Variants in SORL1 observed in about 807,000 individuals in gnomAD.
SORL1 encodes the protein sortilin-related receptor.
A neutral mutation model predicts 273.7 loss-of-function variants in SORL1; 127 were observed. The ratio of observed to expected loss-of-function variants is 0.46; its 90% CI spans 0.40 to 0.54. SORL1 has a LOEUF of 0.54. SORL1 is among the 20% of genes least tolerant of loss of function. SORL1 has a pLI of 0.00. For missense variants in SORL1, 2,494 were observed against 2,846.1 expected (o/e 0.88, Z 2.81); for synonymous variants, 1,031 against 1,067.4 (o/e 0.97, Z 0.66).
chr11:121,507,147 C>T (rs1861801177), intron 6 of SORL1, among the ~76,000 whole-genome samples: 1 of 152,162 alleles, frequency 6.6e-6, no homozygotes, highest in Non-Finnish European at 1.5e-5. Flanking sequence ...TTAAGCCCAT[C>T]AGCACAGTTT....
intron 5 of SORL1, among the ~76,000 whole-genome samples, chr11:121,492,455 C>T (rs1397796335): frequency 6.6e-6 from 1 of 152,190 alleles, no homozygotes; most frequent in South Asian, 2.1e-4. Flanking sequence ...CTCCCAATCT[C>T]CTGTACTGTG....
At chr11:121,488,753 T>C (rs77246681) in intron 4 of SORL1, among the ~76,000 whole-genome samples, 102 of 152,352 alleles carry the variant, frequency 6.7e-4, no homozygotes, top group African/African-American at 2.4e-3. Context: ...TGAGTAAGAC[T>C]TATATCTCAA....
chr11:121,482,773 T>C (rs1486922122), intron 3 of SORL1, among the ~76,000 whole-genome samples: 1 of 152,140 alleles, frequency 6.6e-6, no homozygotes, highest in African/African-American at 2.4e-5. Flanking sequence ...AGCAGCTGCT[T>C]GGAAAGGTTA....
intron 5 of SORL1, among the ~76,000 whole-genome samples, chr11:121,494,612 C>T (rs753054330): frequency 3.3e-5 from 5 of 152,184 alleles, no homozygotes; most frequent in South Asian, 4.1e-4. Context: ...TGTCAGTGAG[C>T]GTAAGACATT....
chr11:121,532,514 C>T lies in SORL1; in HGVS notation c.1647C>T (p.Ile549=), dbSNP rs747107313. Residue 549 remains isoleucine, a synonymous_variant, in exon 12 of 48, where the codon ATC becomes ATT. Transcript: ENST00000260197. ...YYTWGDHGGI[I]TAIAQGMETN... is the part of the protein sequence containing the mutation. The stretch of plus-strand genomic sequence containing the variant: ...CATGGGGAGACCACGGCGGAATCAT[C>T]ACGGCCATTGCCCAGGGCATGGAAA... The T allele has an allele frequency of 1.1e-5, 18 of 1,614,154 alleles. No individual in the cohort carries two copies. The highest frequency in any genetic ancestry group is 1.4e-5 in the Non-Finnish European group (16 of 1,180,008).
At chr11:121,611,326 C>T (rs1349840049) in intron 39 of SORL1, 168 bp downstream of exon 39, 1 of 519,168 alleles carries the variant, frequency 1.9e-6, no homozygotes, top group Non-Finnish European at 3.5e-6. Flanking sequence ...TTCCTTCCCC[C>T]ATGAAGAACA....
At position 121,595,533 on chromosome 11, in the gene SORL1, C is replaced by T. The variant is rs1471042507; in HGVS notation, c.4370-90C>T. 5.2e-6 allele frequency: 6 copies of T among 1,162,158 alleles called. No homozygotes were observed. The highest frequency in any genetic ancestry group is 6.1e-6 in the Non-Finnish European group (5 of 813,316). The allele number at this position is 1,162,158 out of a possible 1,614,324, so 72.0% of individuals were successfully genotyped here. On this transcript the variant is annotated intron_variant, in intron 31 of 47. Coordinates refer to ENST00000260197, the MANE Select transcript of SORL1 (RefSeq NM_003105.6). The surrounding 1 kb of genome is among the most constrained non-coding windows in gnomAD (Gnocchi z 5.1). ...CAGGTTCCCATTGTAATTTCTAAAG[C>T]ACCGTAATCTCCTAGCATATTGATT...
rs1419449556 is a variant in SORL1, at chr11:121,520,666, A to G, written c.1221A>G (p.Ala407=). The change falls in exon 9 of 48, where the codon GCA becomes GCG. Residue 407 remains alanine (A), a synonymous_variant. Coordinates refer to ENST00000260197, the MANE Select transcript of SORL1 (RefSeq NM_003105.6). ...AGSDTLVRYF[A]NEPFADFHRV... is the part of the protein sequence containing the mutation. The stretch of plus-strand genomic sequence containing the variant: ...TATTTTCATATTGTAGGTATTTTGC[A>G]AATGAACCATTTGCTGACTTCCACC... 6.4e-7 allele frequency: 1 copy of G among 1,568,644 alleles called. No homozygotes were observed. Among genetic ancestry groups the G allele is most frequent in the Non-Finnish European group, 8.6e-7 (1 of 1,158,670 alleles).
chr11:121,452,481 G>T lies in SORL1; in HGVS notation c.150G>T (p.Val50=). ...APLPQDRGFL[V]VQGDPRELRL... is the part of the protein sequence containing the mutation. ...TGCCCCAGGACCGGGGCTTCCTCGTGGTGCAGGGCGACCCGCGCGAGCTGC... is the reference window on the plus strand; with the variant it reads ...TGCCCCAGGACCGGGGCTTCCTCGTTGTGCAGGGCGACCCGCGCGAGCTGC... Residue 50 remains valine, a synonymous_variant, in exon 1 of 48, where the codon GTG becomes GTT. Coordinates refer to ENST00000260197, the MANE Select transcript of SORL1 (RefSeq NM_003105.6). This position sits in a 1 kb window ranked among gnomAD's most constrained non-coding sequence, Gnocchi z 5.3. 1 of 1,490,076 alleles carries T rather than the reference G, an allele frequency of 6.7e-7. No homozygotes were observed. Among genetic ancestry groups the T allele is most frequent in the Non-Finnish European group, 8.9e-7 (1 of 1,121,432 alleles). 92.3% of individuals were successfully genotyped at this position (1,490,076 alleles called of 1,614,324 possible).
intron 44 of SORL1, among the ~76,000 whole-genome samples, 178 bp downstream of exon 44, chr11:121,621,416 T>TG (rs1193212629): frequency 1.3e-5 from 2 of 152,206 alleles, no homozygotes; most frequent in Non-Finnish European, 2.9e-5. Flanking sequence ...AGCCGTGGCG[T>TG]GGTGGCCAGG....
At chr11:121,467,765 G>C (rs1011417326) in intron 1 of SORL1, among the ~76,000 whole-genome samples, 1 of 152,060 alleles carries the variant, frequency 6.6e-6, no homozygotes, top group African/African-American at 2.4e-5. Flanking sequence ...TCCTTTAGCT[G>C]CTTTCTCTTT....
At chr11:121,510,749 G>A (rs761572549) in intron 6 of SORL1, among the ~76,000 whole-genome samples, 19 of 152,192 alleles carry the variant, frequency 1.2e-4, no homozygotes, top group African/African-American at 4.3e-4. Flanking sequence ...GGTAGGTGTA[G>A]CAGTGTCTGT....
intron 3 of SORL1, among the ~76,000 whole-genome samples, chr11:121,486,908 G>A (rs1861482202): frequency 6.6e-6 from 1 of 152,152 alleles, no homozygotes; most frequent in Non-Finnish European, 1.5e-5. Context: ...GCTGCACTGA[G>A]CCATGATTGT....
intron 20 of SORL1, among the ~76,000 whole-genome samples, chr11:121,559,308 G>C (rs973166208): frequency 6.6e-6 from 1 of 152,170 alleles, no homozygotes; most frequent in Non-Finnish European, 1.5e-5. Context: ...ATGCTTATCA[G>C]ATAGTTTCTT....
chr11:121,497,572 C>A (rs1468217690), intron 6 of SORL1, among the ~76,000 whole-genome samples: 2 of 152,186 alleles, frequency 1.3e-5, no homozygotes, highest in Admixed American at 6.5e-5. Context: ...TAGCTTAACT[C>A]TCAGCCTTTG....
At chr11:121,533,756 T>G (rs1862232988) in intron 12 of SORL1, among the ~76,000 whole-genome samples, 1 of 152,198 alleles carries the variant, frequency 6.6e-6, no homozygotes, top group South Asian at 2.1e-4. Flanking sequence ...GTGGTTAATT[T>G]GACATGTGCT....
In SORL1 at chr11:121,627,617, A is replaced by G. The variant is rs201048314; in HGVS notation, c.6427A>G (p.Ile2143Val). The G allele has an allele frequency of 1.2e-6, 2 of 1,614,198 alleles. No homozygotes were observed. Among genetic ancestry groups the G allele is most frequent in the East Asian group, 4.5e-5 (2 of 44,888 alleles). ...GGATGTTGCTGCTGTGGTGGTGCCC[A>G]TCTTATTCCTGATACTGCTGAGCCT... is the stretch of plus-strand genomic sequence containing the variant. ...STDVAAVVVP[I>V]LFLILLSLGV... is the part of the protein sequence containing the mutation. Residue 2143 changes from isoleucine (I) to valine (V), a missense_variant, in exon 47 of 48, where the codon ATC (isoleucine) becomes GTC (valine). This residue lies in a region of SORL1 where 1,609 missense variants were observed against 1,816.4 expected (regional missense o/e 0.89). Transcript: ENST00000260197. The surrounding 1 kb of genome is among the most constrained non-coding windows in gnomAD (Gnocchi z 4.9).
In SORL1 at chr11:121,590,981, G is replaced by A. The variant is rs754240777; in HGVS notation, c.4214-20G>A. 5.6e-6 allele frequency: 9 copies of A among 1,614,166 alleles called. No individual in the cohort carries two copies. The highest frequency in any genetic ancestry group is 3.3e-5 in the South Asian group (3 of 91,084). Reference sequence around the variant, plus strand: ...GCTGCTTCTAATGTTTTGGGTTTCCGTGCTTGGTGTTTTTCTCAGATTCAC... The same window carrying A: ...GCTGCTTCTAATGTTTTGGGTTTCCATGCTTGGTGTTTTTCTCAGATTCAC... On this transcript the variant is annotated intron_variant, in intron 30 of 47. Transcript: ENST00000260197.
intron 44 of SORL1, among the ~76,000 whole-genome samples, chr11:121,621,690 C>T (rs1233013894): frequency 6.6e-6 from 1 of 152,196 alleles, no homozygotes; most frequent in Non-Finnish European, 1.5e-5. Flanking sequence ...GGCTCAAGTT[C>T]AGAGAGCTGG....
Sources: allele counts gnomAD v4.1 joint callset (sites outside exome capture counted in the v4.1 genomes callset), GRCh38; gene constraint gnomAD v4.1.1; regional missense constraint gnomAD v4.1.1; non-coding constraint Gnocchi (gnomAD v3.1); transcripts MANE v1.5; gene names NCBI Gene and HGNC (gene_info 2026-07-23, HGNC 2026-07-21).